USH2A: variants seen among roughly 807,000 people sequenced by gnomAD.
USH2A encodes the protein Usher syndrome 2A (autosomal recessive, mild).
In USH2A, 443 loss-of-function variants were observed where a neutral mutation model predicts 538.9. The observed-to-expected ratio is 0.82, with a 90% CI of 0.76 to 0.89. USH2A has a LOEUF of 0.89. USH2A is among the 40% of genes least tolerant of loss of function. The pLI, the probability that USH2A is intolerant of heterozygous loss-of-function variation, is 0.00. For synonymous variants in USH2A, 2,413 were observed against 2,273.5 expected (o/e 1.06, Z -1.75); for missense variants, 6,633 against 6,324.8 (o/e 1.05, Z -1.65).
chr1:215,636,719 T>A (rs1656506311), intron 69 of USH2A, among the ~76,000 whole-genome samples: 1 of 151,924 alleles, frequency 6.6e-6, no homozygotes. Flanking sequence ...GAAAATGAGG[T>A]CTCTGCCACT....
chr1:215,997,573 G>T (rs1668169938), intron 34 of USH2A, among the ~76,000 whole-genome samples: 1 of 151,460 alleles, frequency 6.6e-6, no homozygotes, highest in Non-Finnish European at 1.5e-5. Flanking sequence ...AGGTATTATA[G>T]ATTTATAAAA....
intron 38 of USH2A, among the ~76,000 whole-genome samples, chr1:215,931,845 A>G (rs948160226): frequency 6.6e-6 from 1 of 151,968 alleles, no homozygotes; most frequent in Non-Finnish European, 1.5e-5. Context: ...CAATTTCAGT[A>G]TAATGTAACT....
chr1:216,219,215 A>T (rs1258870391), intron 14 of USH2A, among the ~76,000 whole-genome samples: 1 of 152,022 alleles, frequency 6.6e-6, no homozygotes. Context: ...GAGCAATTAA[A>T]TGTGTCTATT....
Position 215,810,770 on chromosome 1 carries a change from C to T in USH2A, c.9739+2966G>A, listed in dbSNP as rs192161872. 6.0e-3 allele frequency among the ~76,000 whole-genome samples: 914 copies of T among 152,208 alleles called. 23 individuals carry two copies. Among genetic ancestry groups the T allele is most frequent in the Admixed American group, 0.047 (722 of 15,284 alleles). On this transcript the variant is annotated intron_variant, in intron 49 of 71. Transcript: ENST00000307340. The stretch of plus-strand genomic sequence containing the variant: ...ACAGTATTTGATCCATTGTTGACAT[C>T]GTGAGCTGTAGTATGAAGAAGTTTA...
intron 61 of USH2A, among the ~76,000 whole-genome samples, chr1:215,696,139 C>T (rs973214331): frequency 4.6e-5 from 7 of 152,116 alleles, no homozygotes; most frequent in African/African-American, 1.7e-4. Flanking sequence ...TCAACAAACA[C>T]ATATTTTGTT....
intron 62 of USH2A, 89 bp from the exon 63 acceptor site, chr1:215,675,705 G>A (rs1658001640): frequency 2.5e-6 from 4 of 1,601,418 alleles, no homozygotes; most frequent in South Asian, 2.3e-5. Context: ...TCACCCCCTT[G>A]TTCCTTATTT....
At chr1:215,640,907 C>T (rs189650275) in intron 67 of USH2A, among the ~76,000 whole-genome samples, 173 bp from the exon 68 acceptor site, 5 of 146,764 alleles carry the variant, frequency 3.4e-5, no homozygotes, top group South Asian at 2.2e-4. Flanking sequence ...CTCAGTATTA[C>T]GAAACAACCA....
intron 31 of USH2A, among the ~76,000 whole-genome samples, chr1:216,047,957 T>C (rs1195292435): frequency 6.6e-6 from 1 of 152,244 alleles, no homozygotes; most frequent in Non-Finnish European, 1.5e-5. Flanking sequence ...ATATGCTTTC[T>C]GAAACCTTAA....
At chr1:215,638,618 CAAA>C (rs373591243) in intron 69 of USH2A, among the ~76,000 whole-genome samples, 6 of 87,552 alleles carry the variant, frequency 6.9e-5, no homozygotes, top group Non-Finnish European at 6.6e-5. Context: ...GACTCTGTCT[CAAA>C]AAAAAAAAAA....
In USH2A at chr1:215,836,517, TAATATATATTATATATATATATATA is replaced by T. The variant is rs1558120089; in HGVS notation, c.9371+1449_9371+1473del. On this transcript the variant is annotated intron_variant, in intron 47 of 71. Coordinates refer to ENST00000307340, the MANE Select transcript of USH2A (RefSeq NM_206933.4). ...ATATATAATATATATTATATATATA[TAATATATATTATATATATATATATA>T]ATATATATATATATATATATATATT... 1.4e-3 allele frequency among the ~76,000 whole-genome samples: 42 copies of T among 30,734 alleles called. 4 individuals carry two copies. Among genetic ancestry groups the T allele is most frequent in the Admixed American group, 4.3e-3 (5 of 1,166 alleles). 20.2% of individuals were successfully genotyped at this position (30,734 alleles called of 152,430 possible).
chr1:215,663,399 CTA>C (rs1657504838), intron 64 of USH2A, among the ~76,000 whole-genome samples: 1 of 152,132 alleles, frequency 6.6e-6, no homozygotes, highest in South Asian at 2.1e-4. Context: ...CTTGCACAAG[CTA>C]TGTGATCTTA....
At chr1:215,703,214 G>A (rs1659083723) in intron 61 of USH2A, among the ~76,000 whole-genome samples, 1 of 152,168 alleles carries the variant, frequency 6.6e-6, no homozygotes, top group Non-Finnish European at 1.5e-5. Context: ...CCTGCCGGAT[G>A]CCAGCTGGAG....
chr1:215,875,660 A>G (rs1664743298), intron 43 of USH2A, among the ~76,000 whole-genome samples: 2 of 151,950 alleles, frequency 1.3e-5, no homozygotes, highest in South Asian at 4.1e-4. Context: ...ACTTTTGGAA[A>G]CTTATTCTTT....
intron 55 of USH2A, among the ~76,000 whole-genome samples, chr1:215,772,936 C>T (rs1021927177): frequency 2.0e-5 from 3 of 152,186 alleles, no homozygotes; most frequent in Non-Finnish European, 4.4e-5. Flanking sequence ...GAATAACCAT[C>T]CTGCGGGTAA....
intron 46 of USH2A, among the ~76,000 whole-genome samples, chr1:215,843,220 T>C (rs560381372): frequency 3.3e-5 from 5 of 152,270 alleles, no homozygotes; most frequent in African/African-American, 1.2e-4. Flanking sequence ...TCATATAAAA[T>C]TTCTGTGCTT....
chr1:216,017,669 A>G (rs1334044204), intron 32 of USH2A, among the ~76,000 whole-genome samples: 1 of 152,212 alleles, frequency 6.6e-6, no homozygotes, highest in African/African-American at 2.4e-5. Context: ...TTTATGAATC[A>G]GTGTTCCCTT....
At chr1:216,064,013 A>G (rs568446220) in intron 30 of USH2A, among the ~76,000 whole-genome samples, 95 of 152,302 alleles carry the variant, frequency 6.2e-4, no homozygotes, top group African/African-American at 2.3e-3. Flanking sequence ...GTGGTGTGGT[A>G]TATAAATCAA....
At chr1:216,216,099 G>A (rs2035336975) in intron 15 of USH2A, among the ~76,000 whole-genome samples, 1 of 152,090 alleles carries the variant, frequency 6.6e-6, no homozygotes, top group Admixed American at 6.6e-5. Flanking sequence ...AAAGGAATAT[G>A]CTAGAATTTT....
At chr1:215,658,991 A>G (rs1657355605) in intron 64 of USH2A, among the ~76,000 whole-genome samples, 2 of 152,360 alleles carry the variant, frequency 1.3e-5, no homozygotes, top group Non-Finnish European at 2.9e-5. Context: ...AATTCAACAC[A>G]TATTGACTGA....
Sources: allele counts gnomAD v4.1 joint callset (sites outside exome capture counted in the v4.1 genomes callset), GRCh38; gene constraint gnomAD v4.1.1; transcripts MANE v1.5; gene names NCBI Gene and HGNC (gene_info 2026-07-23, HGNC 2026-07-21).